CBLN2: variants seen among roughly 807,000 people sequenced by gnomAD.
CBLN2 encodes cerebellin-2.
A neutral mutation model predicts 15.0 loss-of-function variants in CBLN2; 7 were observed. The ratio of observed to expected loss-of-function variants is 0.47; its 90% CI spans 0.27 to 0.88. The LOEUF (loss-of-function observed/expected upper bound fraction) is 0.88, where lower values mean the gene tolerates loss of function less well. CBLN2 is among the 40% of genes least tolerant of loss of function. CBLN2 has a pLI of 0.14. For missense variants in CBLN2, 242 were observed against 304.5 expected, an observed-to-expected ratio of 0.79 and a Z score of 1.53; for synonymous variants, 149 against 135.2, an observed-to-expected ratio of 1.10 and a Z score of -0.71.
intron 1 of CBLN2, among the ~76,000 whole-genome samples, chr18:72,608,057 AG>A (rs2069595589): frequency 6.6e-6 from 1 of 152,180 alleles, no homozygotes; most frequent in African/African-American, 2.4e-5. Context: ...TATATCTGTA[AG>A]GTTTTTTTTC....
chr18:72,584,539 T>C, intron 1 of CBLN2, among the ~76,000 whole-genome samples: 1 of 152,008 alleles, frequency 6.6e-6, no homozygotes, highest in East Asian at 1.9e-4. Flanking sequence ...TTTGACCTCA[T>C]GATCCACCCA....
Position 72,593,444 on chromosome 18 carries a change from A to G in CBLN2, c.15+44881T>C, listed in dbSNP as rs370788241. On this transcript the variant is annotated intron_variant, in intron 1 of 2. Transcript: ENST00000581073. ...TAGGTTTTTCCAAATATAAGATTAT[A>G]ACATCTACAAAAAAGTATAATTTGA... Among the ~76,000 whole-genome samples the G allele has an allele frequency of 2.6e-5, 4 of 152,272 alleles. 1 individual carries two copies. Among genetic ancestry groups the G allele is most frequent in the South Asian group, 4.1e-4 (2 of 4,832 alleles).
intron 1 of CBLN2, among the ~76,000 whole-genome samples, chr18:72,580,858 C>G (rs989940118): frequency 2.6e-5 from 4 of 152,162 alleles, no homozygotes; most frequent in Non-Finnish European, 5.9e-5. Flanking sequence ...TTGACAGACT[C>G]TCTTCTTAAC....
At chr18:72,638,459 G>A (rs1351046687) in exon 1 of CBLN2, 1 of 396,904 alleles carries the variant, frequency 2.5e-6, no homozygotes, top group Non-Finnish European at 4.4e-6. Context: ...TGACAGACTT[G>A]TTATCCTCAC....
rs969355241 is a variant in CBLN2 at position 72,537,850 on chromosome 18, A to C, written c.*326T>G. 1.9e-5 allele frequency: 7 copies of C among 365,272 alleles called. No individual in the cohort carries two copies. Among genetic ancestry groups the C allele is most frequent in the Non-Finnish European group, 3.6e-5 (7 of 194,170 alleles). 22.6% of individuals were successfully genotyped at this position (365,272 alleles called of 1,614,324 possible). A position where few individuals can be genotyped will look rare whatever the true frequency, so the allele number is the denominator to read the frequency against. ...TTCCGTTGGGACGACAATACAACAT[A>C]CAAACAAAAGAGGTCCATGGTCCCA... On this transcript the variant is annotated 3_prime_UTR_variant, in exon 5 of 5. Transcript: ENST00000269503.
Position 72,621,078 on chromosome 18 carries a change from T to C in CBLN2, c.15+17247A>G, listed in dbSNP as rs537950985. On this transcript the variant is annotated intron_variant, in intron 1 of 2. Transcript: ENST00000581073. ...TGCTGGATTGGAATTACATGGAAAC[T>C]TGCCAGTGCCCTTTCCTTTCATATG... 7.9e-5 allele frequency among the ~76,000 whole-genome samples: 12 copies of C among 152,332 alleles called. No homozygotes were observed. The South Asian group carries it at 1.2e-3, about 16-fold the overall frequency.
chr18:72,594,263 C>T (rs1465377977), intron 1 of CBLN2, among the ~76,000 whole-genome samples: 3 of 151,914 alleles, frequency 2.0e-5, no homozygotes, highest in Non-Finnish European at 4.4e-5. Flanking sequence ...CACATGTATC[C>T]CAGAACTTAA....
intron 1 of CBLN2, among the ~76,000 whole-genome samples, chr18:72,590,501 A>G (rs1381935336): frequency 2.0e-5 from 3 of 152,328 alleles, no homozygotes; most frequent in African/African-American, 4.8e-5. Context: ...AGAAATTAAT[A>G]CAATCATTGA....
chr18:72,617,455 T>C (rs553496167), intron 1 of CBLN2, among the ~76,000 whole-genome samples: 91 of 152,318 alleles, frequency 6.0e-4, no homozygotes, highest in Non-Finnish European at 1.0e-3. Flanking sequence ...GTATATCAGT[T>C]ACAAGATAAT....
chr18:72,574,897 C>T (rs995350414), intron 1 of CBLN2, among the ~76,000 whole-genome samples: 6 of 152,224 alleles, frequency 3.9e-5, no homozygotes, highest in Middle Eastern at 3.4e-3. Flanking sequence ...TGCATATATT[C>T]CTCCAGCTAT....
At chr18:72,604,788 C>T (rs2069572697) in intron 1 of CBLN2, among the ~76,000 whole-genome samples, 2 of 152,206 alleles carry the variant, frequency 1.3e-5, no homozygotes, top group South Asian at 4.1e-4. Context: ...AGGCCCTCAC[C>T]AGATGCAGGC....
intron 1 of CBLN2, among the ~76,000 whole-genome samples, chr18:72,610,334 T>A (rs1394954519): frequency 6.6e-6 from 1 of 152,200 alleles, no homozygotes; most frequent in Non-Finnish European, 1.5e-5. Context: ...TGGCTCTTTC[T>A]CTTCCTTTCT....
chr18:72,575,655 C>A (rs9950336), intron 1 of CBLN2, among the ~76,000 whole-genome samples: 24,506 of 151,982 alleles, frequency 0.16, 2,196 homozygotes, highest in Admixed American at 0.29. Context: ...TGGGCGGAGT[C>A]CATAGGAGCC....
At chr18:72,608,113 T>C (rs887763463) in intron 1 of CBLN2, among the ~76,000 whole-genome samples, 1 of 152,196 alleles carries the variant, frequency 6.6e-6, no homozygotes, top group Non-Finnish European at 1.5e-5. Context: ...GAATTATATG[T>C]GGTGAATTTA....
intron 1 of CBLN2, among the ~76,000 whole-genome samples, chr18:72,586,224 T>C (rs1170584705): frequency 6.6e-6 from 1 of 152,232 alleles, no homozygotes; most frequent in Non-Finnish European, 1.5e-5. Flanking sequence ...CCAGATGGGC[T>C]GTTGTGGCTA....
At chr18:72,562,432 G>T (rs1369356992) in intron 1 of CBLN2, among the ~76,000 whole-genome samples, 1 of 152,152 alleles carries the variant, frequency 6.6e-6, no homozygotes, top group Non-Finnish European at 1.5e-5. Flanking sequence ...TGTTTGGGAA[G>T]AATGTTTTCT....
chr18:72,624,711 A>T (rs2069723370), intron 1 of CBLN2, among the ~76,000 whole-genome samples: 1 of 152,202 alleles, frequency 6.6e-6, no homozygotes, highest in African/African-American at 2.4e-5. Flanking sequence ...ATAATAATTA[A>T]AAATGCTTAA....
At chr18:72,591,808 T>C (rs1335121005) in intron 1 of CBLN2, among the ~76,000 whole-genome samples, 1 of 152,178 alleles carries the variant, frequency 6.6e-6, no homozygotes, top group Admixed American at 6.5e-5. Flanking sequence ...TCCATCTATG[T>C]TGTTGGAAAT....
intron 1 of CBLN2, among the ~76,000 whole-genome samples, chr18:72,576,017 A>G (rs991493997): frequency 6.6e-6 from 1 of 152,190 alleles, no homozygotes; most frequent in Non-Finnish European, 1.5e-5. Context: ...TATGTTATTC[A>G]TTCAATAATA....
Sources: allele counts gnomAD v4.1 joint callset (sites outside exome capture counted in the v4.1 genomes callset), GRCh38; gene constraint gnomAD v4.1.1; transcripts MANE v1.5; gene names NCBI Gene and HGNC (gene_info 2026-07-23, HGNC 2026-07-21).